EMP2: variants seen among roughly 807,000 people sequenced by gnomAD.
EMP2 encodes the protein epithelial membrane protein 2.
EMP2 carries 19 observed loss-of-function variants against 13.7 expected under a neutral mutation model. That is an observed-to-expected ratio of 1.38 (90% CI 0.97 to 2.03). The LOEUF (loss-of-function observed/expected upper bound fraction) is 2.03. Ranked by LOEUF, EMP2 falls within the 30% of genes most tolerant of loss-of-function variation. EMP2 has a pLI of 0.00. For missense variants in EMP2, 253 were observed against 220.7 expected (o/e 1.15, Z -0.93); for synonymous variants, 97 against 84.7 (o/e 1.15, Z -0.80).
At chr16:10,552,441 T>C (rs1211615593) in intron 1 of EMP2, among the ~76,000 whole-genome samples, 1 of 152,226 alleles carries the variant, frequency 6.6e-6, no homozygotes. Flanking sequence ...TTAAGCAACA[T>C]TGAACCACAT....
chr16:10,571,159 A>C (rs2142209823), intron 1 of EMP2, among the ~76,000 whole-genome samples: 1 of 144,452 alleles, frequency 6.9e-6, no homozygotes, highest in East Asian at 2.3e-4. Context: ...TTGGAGGCTT[A>C]GGCAGGAGAA....
chr16:10,579,555 G>T (rs1281929434), intron 1 of EMP2, among the ~76,000 whole-genome samples: 1 of 151,948 alleles, frequency 6.6e-6, no homozygotes, highest in Non-Finnish European at 1.5e-5. Context: ...GGTACCCCCA[G>T]GCCCTGGCAA....
At chr16:10,570,050 C>G (rs915074053) in intron 1 of EMP2, among the ~76,000 whole-genome samples, 3 of 151,684 alleles carry the variant, frequency 2.0e-5, no homozygotes, top group Non-Finnish European at 4.4e-5. Context: ...TGCTGAGACA[C>G]TGGGGATACA....
At chr16:10,540,476 A>G (rs1237453208) in intron 3 of EMP2, among the ~76,000 whole-genome samples, 1 of 151,342 alleles carries the variant, frequency 6.6e-6, no homozygotes, top group East Asian at 1.9e-4. Flanking sequence ...ACTGCACTCC[A>G]GCCTGGGTGA....
chr16:10,558,482 T>G (rs2050848804), intron 1 of EMP2, among the ~76,000 whole-genome samples: 1 of 36,442 alleles, frequency 2.7e-5, no homozygotes, highest in African/African-American at 4.2e-4. Flanking sequence ...GCTTAAAGTG[T>G]GTGTGTGTGT....
intron 1 of EMP2, chr16:10,559,143 G>A (rs2050854720): frequency 6.6e-6 from 1 of 152,426 alleles, no homozygotes; most frequent in African/African-American, 2.4e-5. Context: ...ACCCTGCAAG[G>A]ACTCCCAGGC....
intron 1 of EMP2, 95 bp from the exon 2 acceptor site, chr16:10,547,772 A>C: frequency 5.8e-6 from 4 of 693,470 alleles, no homozygotes; most frequent in Non-Finnish European, 9.6e-6. Context: ...GTGGTGGCTC[A>C]TGCCTATAAT....
intron 1 of EMP2, among the ~76,000 whole-genome samples, chr16:10,569,769 G>A (rs1426736796): frequency 3.3e-5 from 5 of 152,114 alleles, no homozygotes; most frequent in East Asian, 1.9e-4. Flanking sequence ...AAATGCCTGC[G>A]TGCATGCAGA....
chr16:10,542,106 G>T (rs752207033), intron 3 of EMP2, among the ~76,000 whole-genome samples: 1 of 152,096 alleles, frequency 6.6e-6, no homozygotes, highest in Non-Finnish European at 1.5e-5. Flanking sequence ...ATGAATATCC[G>T]ATGGACAACA....
At chr16:10,559,418 T>C (rs1596378226) in intron 1 of EMP2, among the ~76,000 whole-genome samples, 1 of 152,190 alleles carries the variant, frequency 6.6e-6, no homozygotes, top group African/African-American at 2.4e-5. Context: ...AAAGTCAGCA[T>C]TTGGCTCTCT....
intron 3 of EMP2, among the ~76,000 whole-genome samples, chr16:10,542,841 A>C (rs1228294713): frequency 2.0e-5 from 3 of 151,922 alleles, no homozygotes; most frequent in Non-Finnish European, 4.4e-5. Context: ...CGGAAGCCAG[A>C]TCTTGGATTT....
chr16:10,543,459 G>GT (rs1242011074), intron 3 of EMP2, 111 bp downstream of exon 3: 26 of 1,232,562 alleles, frequency 2.1e-5, no homozygotes, highest in Non-Finnish European at 2.8e-5. Context: ...GCCCACCGGA[G>GT]TATGCAGTGA....
At chr16:10,549,518 C>G (rs2142185103) in intron 1 of EMP2, among the ~76,000 whole-genome samples, 1 of 152,302 alleles carries the variant, frequency 6.6e-6, no homozygotes, top group Non-Finnish European at 1.5e-5. Context: ...ATCAAATGAT[C>G]TGGTTGGAAG....
rs1279235945 is a variant in EMP2 at position 10,543,595 on chromosome 16, G to A, written c.144C>T (p.Cys48=). Residue 48 remains cysteine, a synonymous_variant, in exon 3 of 5, where the codon TGC becomes TGT. Transcript: ENST00000359543. ...VWRICTNNTN[C]TVINDSFQEY... is the part of the protein sequence containing the mutation. The stretch of plus-strand genomic sequence containing the variant: ...CTTGAAAGCTGTCATTGATGACTGT[G>A]CAATTCGTGTTGTTGGTACATATTC... The A allele has an allele frequency of 6.2e-7, 1 of 1,614,224 alleles. No individual in the cohort carries two copies. The highest frequency in any genetic ancestry group is 8.5e-7 in the Non-Finnish European group (1 of 1,180,034).
rs183417904 is a variant in EMP2 at position 10,570,749 on chromosome 16, C to T, written c.-61+9800G>A. On this transcript the variant is annotated intron_variant, in intron 1 of 4. Transcript: ENST00000359543. ...AGAGATGGGGTCTCACTATGTTGCC[C>T]AGGCTGGTCTCAAACTCCTGGCCTG... Among the ~76,000 whole-genome samples the T allele has an allele frequency of 4.6e-3, 702 of 152,118 alleles. 9 individuals are homozygous for T. The highest frequency in any genetic ancestry group is 7.4e-3 in the Non-Finnish European group (505 of 67,986).
chr16:10,561,904 A>G (rs1016346240), intron 1 of EMP2, among the ~76,000 whole-genome samples: 5 of 152,020 alleles, frequency 3.3e-5, no homozygotes, highest in African/African-American at 9.7e-5. Flanking sequence ...ATAAAAGGAG[A>G]AAAAAAAGGG....
chr16:10,543,450 C>A, intron 3 of EMP2, 120 bp downstream of exon 3: 3 of 1,146,388 alleles, frequency 2.6e-6, no homozygotes. Context: ...CGCGGCCAGG[C>A]CCACCGGAGT....
intron 1 of EMP2, among the ~76,000 whole-genome samples, chr16:10,578,417 G>A (rs1334194202): frequency 6.6e-6 from 1 of 152,222 alleles, no homozygotes; most frequent in African/African-American, 2.4e-5. Context: ...CTGGGGTGAG[G>A]GTGGAGAAGC....
intron 1 of EMP2, among the ~76,000 whole-genome samples, chr16:10,570,334 T>C (rs2050938294): frequency 6.7e-6 from 1 of 150,288 alleles, no homozygotes; most frequent in Admixed American, 6.7e-5. Flanking sequence ...CAAGCAATCC[T>C]CCCACCTTAG....
Sources: gnomAD v4.1 joint callset for allele counts (sites outside exome capture counted in the v4.1 genomes callset) on GRCh38, gnomAD v4.1.1 for gene constraint, MANE v1.5 for transcripts, NCBI Gene and HGNC (gene_info 2026-07-23, HGNC 2026-07-21) for gene names.